Variants in SNTG1 observed in about 807,000 individuals in gnomAD.
The protein encoded by SNTG1 is syntrophin gamma 1.
In SNTG1, 39 loss-of-function variants were observed where a neutral mutation model predicts 74.7. The observed-to-expected ratio is 0.52, with a 90% CI of 0.40 to 0.68. The LOEUF is 0.68. Ranked by LOEUF, SNTG1 falls within the 30% of genes least tolerant of loss-of-function variation. SNTG1 has a pLI of 0.00. For synonymous variants in SNTG1, 254 were observed against 217.1 expected (o/e 1.17, Z -1.49); for missense variants, 685 against 609.5 (o/e 1.12, Z -1.30).
chr8:50,782,475 T>G (rs1270628667), intron 18 of SNTG1, among the ~76,000 whole-genome samples: 1 of 152,202 alleles, frequency 6.6e-6, no homozygotes, highest in Non-Finnish European at 1.5e-5. Flanking sequence ...TCACTGATAC[T>G]CTTTCTTCCA....
At position 50,701,718 on chromosome 8, in the gene SNTG1, CTTT is replaced by C. The variant is rs2095425553; in HGVS notation, c.1039-2879_1039-2877del. On this transcript the variant is annotated intron_variant, in intron 15 of 18. Transcript: ENST00000642720. ...CCTTCCTCTTCCTCTTCATCTTCCT[CTTT>C]TTCTTCTTCTTTTTCTTTTTCTTCT... is the stretch of plus-strand genomic sequence containing the variant. 1.5e-4 allele frequency among the ~76,000 whole-genome samples: 3 copies of C among 20,500 alleles called. No individual in the cohort carries two copies. The South Asian group carries it at 5.7e-3, about 39-fold the overall frequency. The allele number at this position is 20,500 out of a possible 152,430, so 13.4% of individuals were successfully genotyped here.
intron 9 of SNTG1, among the ~76,000 whole-genome samples, chr8:50,509,391 C>T (rs570718604): frequency 7.2e-5 from 11 of 152,196 alleles, no homozygotes; most frequent in Non-Finnish European, 1.3e-4. Flanking sequence ...ATTGACTTGG[C>T]GATGCGGACT....
chr8:50,660,055 G>A (rs567676418), intron 15 of SNTG1, among the ~76,000 whole-genome samples: 159 of 152,178 alleles, frequency 1.0e-3, no homozygotes, highest in Middle Eastern at 3.4e-3. Flanking sequence ...GCCCAAGCTG[G>A]TCTTGAACTC....
At chr8:50,086,011 A>G (rs1048186266) in intron 1 of SNTG1, among the ~76,000 whole-genome samples, 8 of 151,724 alleles carry the variant, frequency 5.3e-5, no homozygotes, top group Non-Finnish European at 1.0e-4. Flanking sequence ...TCATACCCAG[A>G]TTAAACTGGA....
chr8:49,983,966 C>A (rs537284943), intron 1 of SNTG1, among the ~76,000 whole-genome samples: 2 of 152,234 alleles, frequency 1.3e-5, no homozygotes, highest in East Asian at 1.9e-4. Flanking sequence ...GTTTATTACT[C>A]TGAGGCACAA....
At chr8:50,536,851 A>G in intron 11 of SNTG1, 43 bp downstream of exon 11, 10 of 1,603,142 alleles carry the variant, frequency 6.2e-6, no homozygotes, top group Non-Finnish European at 7.7e-6. Context: ...GTTTATGAAA[A>G]AAGAGACCTT....
chr8:50,778,251 A>G (rs1285698806), intron 18 of SNTG1, among the ~76,000 whole-genome samples: 2 of 152,152 alleles, frequency 1.3e-5, no homozygotes, highest in Non-Finnish European at 2.9e-5. Context: ...TGGTATTTCC[A>G]GTTCTAGATC....
intron 2 of SNTG1, among the ~76,000 whole-genome samples, chr8:50,350,040 A>G (rs537710117): frequency 6.6e-6 from 1 of 152,270 alleles, no homozygotes; most frequent in South Asian, 2.1e-4. Context: ...CGGCCGGGCA[A>G]TGAGGGGCTT....
At chr8:50,692,118 C>T (rs531568327) in intron 15 of SNTG1, among the ~76,000 whole-genome samples, 1 of 152,258 alleles carries the variant, frequency 6.6e-6, no homozygotes, top group East Asian at 1.9e-4. Flanking sequence ...TTAAGGACTT[C>T]TCTGCATTGG....
chr8:50,681,659 G>A (rs2095331460), intron 15 of SNTG1, among the ~76,000 whole-genome samples: 2 of 152,112 alleles, frequency 1.3e-5, no homozygotes, highest in Non-Finnish European at 1.5e-5. Flanking sequence ...GAGGAGGACC[G>A]AAAGCCTCAG....
At chr8:50,702,772 G>A (rs548816832) in intron 15 of SNTG1, among the ~76,000 whole-genome samples, 2 of 152,270 alleles carry the variant, frequency 1.3e-5, no homozygotes, top group South Asian at 4.1e-4. Flanking sequence ...ATAACGTACT[G>A]CACAGCGAGG....
chr8:50,530,053 A>G, intron 9 of SNTG1, 124 bp from the exon 10 acceptor site: 2 of 787,112 alleles, frequency 2.5e-6, no homozygotes, highest in Non-Finnish European at 4.1e-6. Context: ...ACTGAGATAA[A>G]ATTGTATTGT....
chr8:50,223,698 A>G (rs76782304), intron 2 of SNTG1, among the ~76,000 whole-genome samples: 3,243 of 152,286 alleles, frequency 0.021, 111 homozygotes, highest in African/African-American at 0.074. Flanking sequence ...CTGTCTCTAC[A>G]TCAATGGGAA....
chr8:50,420,943 T>C (rs2093074100), intron 4 of SNTG1, among the ~76,000 whole-genome samples: 1 of 147,776 alleles, frequency 6.8e-6, no homozygotes, highest in South Asian at 2.1e-4. Context: ...GAGAATTGTT[T>C]GAACCAAGGA....
chr8:50,424,928 C>A (rs1320424809), intron 4 of SNTG1, among the ~76,000 whole-genome samples: 1 of 152,122 alleles, frequency 6.6e-6, no homozygotes, highest in Non-Finnish European at 1.5e-5. Flanking sequence ...TAAACATTGA[C>A]TACTGACTCA....
chr8:50,461,655 T>C (rs2093563737), intron 8 of SNTG1, among the ~76,000 whole-genome samples: 1 of 152,208 alleles, frequency 6.6e-6, no homozygotes, highest in South Asian at 2.1e-4. Context: ...TTGGGAACTC[T>C]TTCTGTGGAC....
chr8:50,559,283 A>G (rs12677318), intron 12 of SNTG1, among the ~76,000 whole-genome samples: 13,062 of 152,234 alleles, frequency 0.086, 1,311 homozygotes, highest in African/African-American at 0.23. Context: ...AATAACAAAA[A>G]TATCCAAAGG....
intron 1 of SNTG1, among the ~76,000 whole-genome samples, chr8:50,152,104 T>G (rs1002381943): frequency 6.6e-6 from 1 of 152,220 alleles, no homozygotes; most frequent in Non-Finnish European, 1.5e-5. Flanking sequence ...CTGTATTGGG[T>G]GCATATATAT....
rs182546187 is a variant in SNTG1, at chr8:49,971,944, G to A, written c.-103+59713G>A. ...TCATGAAAATGGCCATTCTGCCCAG[G>A]GTAATTTATAGATTCAATGCCATCC... On this transcript the variant is annotated intron_variant, in intron 1 of 18. Coordinates refer to ENST00000642720, the MANE Select transcript of SNTG1 (RefSeq NM_018967.5). 3.7e-3 allele frequency among the ~76,000 whole-genome samples: 564 copies of A among 152,200 alleles called. 1 individual carries two copies. Among genetic ancestry groups the A allele is most frequent in the Middle Eastern group, 6.8e-3 (2 of 294 alleles).
Sources: gnomAD v4.1 joint callset for allele counts (sites outside exome capture counted in the v4.1 genomes callset) on GRCh38, gnomAD v4.1.1 for gene constraint, MANE v1.5 for transcripts, NCBI Gene and HGNC (gene_info 2026-07-23, HGNC 2026-07-21) for gene names.